WIPF3: variants seen among roughly 807,000 people sequenced by gnomAD.
WIPF3 encodes WAS/WASL interacting protein family member 3.
A neutral mutation model predicts 38.9 loss-of-function variants in WIPF3; 33 were observed. The ratio of observed to expected loss-of-function variants is 0.85; its 90% CI spans 0.64 to 1.14. The LOEUF is 1.14. Among genes scored for constraint, WIPF3 ranks in the 50% most tolerant of loss-of-function variants. The pLI is 0.00. For synonymous variants in WIPF3, 324 were observed against 269.3 expected, an observed-to-expected ratio of 1.20 and a Z score of -1.99; for missense variants, 711 against 652.5, an observed-to-expected ratio of 1.09 and a Z score of -0.98.
chr7:29,869,635 A>G (rs1785459610), intron 2 of WIPF3, among the ~76,000 whole-genome samples: 1 of 152,126 alleles, frequency 6.6e-6, no homozygotes, highest in Non-Finnish European at 1.5e-5. Context: ...TATCTGCCCA[A>G]TTTACACATG....
At chr7:29,864,948 C>G (rs959324211) in intron 2 of WIPF3, among the ~76,000 whole-genome samples, 3 of 152,100 alleles carry the variant, frequency 2.0e-5, no homozygotes, top group Non-Finnish European at 4.4e-5. Flanking sequence ...AGCTTTAAAA[C>G]AGGAAAAGGT....
intron 2 of WIPF3, among the ~76,000 whole-genome samples, chr7:29,873,553 A>G (rs1389471304): frequency 1.3e-5 from 2 of 152,246 alleles, no homozygotes; most frequent in Non-Finnish European, 2.9e-5. Context: ...TTTGCAGCTT[A>G]AAATGAACTC....
intron 8 of WIPF3, chr7:29,905,200 A>G (rs1786368496): frequency 6.6e-6 from 1 of 152,234 alleles, no homozygotes; most frequent in Admixed American, 6.5e-5. Context: ...GCAGATAAGT[A>G]TCCCCCTTTT....
At chr7:29,903,243 A>ATCATATCATC (rs767280369) in intron 7 of WIPF3, among the ~76,000 whole-genome samples, 2 of 152,140 alleles carry the variant, frequency 1.3e-5, no homozygotes, top group African/African-American at 2.4e-5. Context: ...GCAGTGAGTC[A>ATCATATCATC]TGATCATATC....
chr7:29,816,222 C>T (rs1203889437), intron 1 of WIPF3, among the ~76,000 whole-genome samples: 1 of 152,190 alleles, frequency 6.6e-6, no homozygotes, highest in Non-Finnish European at 1.5e-5. Flanking sequence ...AGGATGTTCA[C>T]TGTAAAATAT....
At chr7:29,907,471 T>A (rs1786420078) in intron 8 of WIPF3, among the ~76,000 whole-genome samples, 1 of 152,220 alleles carries the variant, frequency 6.6e-6, no homozygotes, top group Non-Finnish European at 1.5e-5. Flanking sequence ...GTGTAATTCC[T>A]ATGGGCTATG....
At position 29,884,264 on chromosome 7, in the gene WIPF3, T is replaced by TTGCC; in HGVS notation, c.770_771insTGCC (p.Pro258AlafsTer61). Reference sequence around the variant, plus strand: ...AAGCCTCAGCTGGCTCCCTTGCACCTCCCGCCCATCCCGCCCCCGCTCCCT... The same window carrying TTGCC: ...AAGCCTCAGCTGGCTCCCTTGCACCTTGCCCCCGCCCATCCCGCCCCCGCTCCCT... On this transcript the variant is annotated frameshift_variant, in exon 5 of 9. Coordinates refer to ENST00000242140, the MANE Select transcript of WIPF3 (RefSeq NM_001080529.3). LOFTEE classifies it high-confidence loss of function. 898 of 1,313,816 alleles carry TTGCC rather than the reference T, an allele frequency of 6.8e-4. No individual in the cohort carries two copies. Among genetic ancestry groups the TTGCC allele is most frequent in the Non-Finnish European group, 8.3e-4 (818 of 991,340 alleles). 81.4% of individuals were successfully genotyped at this position (1,313,816 alleles called of 1,614,324 possible). A position where few individuals can be genotyped will look rare whatever the true frequency, so the allele number is the denominator to read the frequency against.
intron 7 of WIPF3, among the ~76,000 whole-genome samples, chr7:29,895,627 CAGGAAG>C (rs2128078837): frequency 6.6e-6 from 1 of 152,308 alleles, no homozygotes; most frequent in South Asian, 2.1e-4. Flanking sequence ...GCAGGCTGTA[CAGGAAG>C]CATAATGCCA....
intron 2 of WIPF3, among the ~76,000 whole-genome samples, chr7:29,870,193 A>G (rs1785470118): frequency 6.6e-6 from 1 of 152,188 alleles, no homozygotes; most frequent in Non-Finnish European, 1.5e-5. Flanking sequence ...GGAAGGCTCA[A>G]GGAGTGGAAA....
intron 2 of WIPF3, among the ~76,000 whole-genome samples, chr7:29,850,832 CTG>C (rs1170584985): frequency 3.3e-5 from 5 of 151,316 alleles, no homozygotes; most frequent in Non-Finnish European, 7.4e-5. Context: ...GGCCACAGGC[CTG>C]TGTGTCAGGT....
intron 2 of WIPF3, among the ~76,000 whole-genome samples, chr7:29,848,906 A>G (rs879474978): frequency 6.6e-6 from 1 of 152,180 alleles, no homozygotes; most frequent in African/African-American, 2.4e-5. Flanking sequence ...AATTTTTCAT[A>G]GTAAAAAAAC....
chr7:29,818,624 T>C (rs1236196823), intron 1 of WIPF3, among the ~76,000 whole-genome samples: 2 of 150,998 alleles, frequency 1.3e-5, no homozygotes, highest in African/African-American at 4.8e-5. Flanking sequence ...TCCATATATA[T>C]TGCCATATTA....
At chr7:29,822,124 T>G (rs1179916412) in intron 1 of WIPF3, among the ~76,000 whole-genome samples, 4 of 24,294 alleles carry the variant, frequency 1.6e-4, no homozygotes, top group Non-Finnish European at 3.8e-4. Context: ...TTTTTCTTAG[T>G]TTTTTTTTTT....
intron 2 of WIPF3, among the ~76,000 whole-genome samples, chr7:29,868,518 G>GTATATATATATA (rs138569662): frequency 1.3e-4 from 20 of 148,188 alleles, no homozygotes; most frequent in Non-Finnish European, 1.9e-4. Flanking sequence ...ATAATGAGAA[G>GTATATATATATA]TATATATATA....
chr7:29,837,313 G>A (rs375450451), intron 2 of WIPF3, among the ~76,000 whole-genome samples: 4 of 149,886 alleles, frequency 2.7e-5, no homozygotes, highest in South Asian at 2.1e-4. Context: ...CCGAGACCAC[G>A]CCACTGCACT....
chr7:29,868,317 C>T (rs768782400), intron 2 of WIPF3, among the ~76,000 whole-genome samples: 4 of 152,112 alleles, frequency 2.6e-5, no homozygotes, highest in Non-Finnish European at 5.9e-5. Flanking sequence ...GAGGCTCCAA[C>T]TGGCCAAGGA....
chr7:29,853,061 G>A (rs1236378298), intron 2 of WIPF3, among the ~76,000 whole-genome samples: 1 of 152,172 alleles, frequency 6.6e-6, no homozygotes, highest in Non-Finnish European at 1.5e-5. Context: ...AGTTTGTTTG[G>A]GAGGTGATTC....
At chr7:29,870,921 C>T (rs1659131364) in intron 2 of WIPF3, among the ~76,000 whole-genome samples, 1 of 149,022 alleles carries the variant, frequency 6.7e-6, no homozygotes, top group African/African-American at 2.5e-5. Context: ...CATGCCACTG[C>T]ACTCCAGCCT....
chr7:29,817,758 T>G (rs1032867078), intron 1 of WIPF3, among the ~76,000 whole-genome samples: 11 of 152,206 alleles, frequency 7.2e-5, no homozygotes, highest in Admixed American at 1.3e-4. Context: ...ATGGCTTTAT[T>G]ATTTGTTTAT....
Sources: gnomAD v4.1 joint callset for allele counts (sites outside exome capture counted in the v4.1 genomes callset) on GRCh38, gnomAD v4.1.1 for gene constraint, MANE v1.5 for transcripts, NCBI Gene and HGNC (gene_info 2026-07-23, HGNC 2026-07-21) for gene names.